AHNAK2: variants seen among roughly 807,000 people sequenced by gnomAD.
AHNAK2 encodes the protein protein AHNAK2.
AHNAK2 carries 18 observed loss-of-function variants against 30.7 expected under a neutral mutation model. The ratio of observed to expected loss-of-function variants is 0.59; its 90% CI spans 0.41 to 0.87. The LOEUF (loss-of-function observed/expected upper bound fraction) is 0.87. Among genes scored for constraint, AHNAK2 ranks in the 40% least tolerant of loss-of-function variants. The pLI, the probability that AHNAK2 is intolerant of heterozygous loss-of-function variation, is 0.00. For missense variants in AHNAK2, 8,604 were observed against 7,373.0 expected, an observed-to-expected ratio of 1.17 and a Z score of -6.11; for synonymous variants, 3,590 against 3,073.8, an observed-to-expected ratio of 1.17 and a Z score of -5.56.
rs139340205 is a variant in AHNAK2, at chr14:104,949,394, C to G, written c.6057G>C (p.Glu2019Asp). The change falls in exon 7 of 7, where the codon GAG (glutamate) becomes GAC (aspartate). Residue 2019 changes from glutamate to aspartate, a missense_variant. Physicochemically the swap from Glu to Asp is conservative, Grantham distance 45. Transcript: ENST00000333244. ...GCATGGAGGGGAGACTCACGTCGGC[C>G]TCCACCTTGGGTGCAGGCACATCCA... ...ASVDVPAPKV[E>D]ADVSLPSMQG... 21 of 1,581,900 alleles carry G rather than the reference C, an allele frequency of 1.3e-5. No homozygotes were observed. The South Asian group carries it at 2.0e-4, about 15-fold the overall frequency.
Position 104,948,957 on chromosome 14 carries a change from A to G in AHNAK2, c.6494T>C (p.Val2165Ala), listed in dbSNP as rs199574745. 2,126 of 1,250,900 alleles carry G rather than the reference A, an allele frequency of 1.7e-3. 378 individuals carry two copies. The highest frequency in any genetic ancestry group is 0.015 in the Middle Eastern group (59 of 4,052). The allele number at this position is 1,250,900 out of a possible 1,614,324, so 77.5% of individuals were successfully genotyped here. ...CTCGATGGACTTGCCTGGGGCAGAC[A>G]CCCCAAACGACGGCATCTTGAACTT... ...MPKFKMPSFG[V>A]SAPGKSIEAS... is the part of the protein sequence containing the mutation. The change falls in exon 7 of 7, where the codon GTG (valine) becomes GCG (alanine). Residue 2165 changes from valine (V) to alanine (A), a missense_variant. Physicochemically the swap from Val to Ala is moderately conservative, Grantham distance 64. Transcript: ENST00000333244.
In AHNAK2 at chr14:104,944,664, T is replaced by G; in HGVS notation, c.10787A>C (p.Asp3596Ala). 6.2e-7 allele frequency: 1 copy of G among 1,612,926 alleles called. No homozygotes were observed. The highest frequency in any genetic ancestry group is 8.5e-7 in the Non-Finnish European group (1 of 1,179,610). ...CACGCTGGGCAGAGACACCTCGACA[T>G]CGGGGACTCTCACTTCTGCCTTGGG... ...KGPKAEVRVP[D>A]VEVSLPSVEV... Residue 3596 changes from aspartate (D) to alanine (A), a missense_variant, in exon 7 of 7, where the codon GAT (aspartate) becomes GCT (alanine). Coordinates refer to ENST00000333244, the MANE Select transcript of AHNAK2 (RefSeq NM_138420.4).
chr14:104,953,598 G>A lies in AHNAK2; in HGVS notation c.1853C>T (p.Thr618Ile). The A allele has an allele frequency of 6.2e-7, 1 of 1,613,934 alleles. No individual in the cohort carries two copies. Among genetic ancestry groups the A allele is most frequent in the Non-Finnish European group, 8.5e-7 (1 of 1,179,886 alleles). Residue 618 changes from threonine to isoleucine, a missense_variant, in exon 7 of 7, where the codon ACA becomes ATA. Coordinates refer to ENST00000333244, the MANE Select transcript of AHNAK2 (RefSeq NM_138420.4). Reference sequence around the variant, plus strand: ...CTGTTCTCTTCTATCAGCTGTTGCTGTGGCCTCTCCTTCCCTTCCCTGCTC... The same window carrying A: ...CTGTTCTCTTCTATCAGCTGTTGCTATGGCCTCTCCTTCCCTTCCCTGCTC... Reference protein sequence around the residue: ...DTEQGREGEATATADRREQRR... With the variant: ...DTEQGREGEAIATADRREQRR...
Position 104,939,602 on chromosome 14 carries a change from G to GGA in AHNAK2, c.15847_15848dup (p.Thr5284ProfsTer5), listed in dbSNP as rs777744474. On this transcript the variant is annotated frameshift_variant, in exon 7 of 7. Coordinates refer to ENST00000333244, the MANE Select transcript of AHNAK2 (RefSeq NM_138420.4). LOFTEE classifies it low-confidence loss of function (END_TRUNC). ...GCTCATCCCCAGTCATCCCAGCAGT[G>GGA]GAGAGGTGCAGCTTCAAGCCTGTGC... 3 of 1,613,838 alleles carry GGA rather than the reference G, an allele frequency of 1.9e-6. No homozygotes were observed. In the East Asian group the frequency reaches 6.7e-5, roughly 36 times the overall value.
intron 1 of AHNAK2, among the ~76,000 whole-genome samples, chr14:104,965,632 C>T (rs1487262666): frequency 2.6e-5 from 4 of 152,170 alleles, no homozygotes; most frequent in Non-Finnish European, 5.9e-5. Context: ...CCATCCCTGC[C>T]CCAGACCCAG....
Position 104,949,232 on chromosome 14 carries a change from C to A in AHNAK2, c.6219G>T (p.Lys2073Asn), listed in dbSNP as rs549832303. Residue 2073 changes from lysine (K) to asparagine (N), a missense_variant, in exon 7 of 7, where the codon AAG becomes AAT. Lys to Asn is a moderately conservative substitution (Grantham distance 94). Coordinates refer to ENST00000333244, the MANE Select transcript of AHNAK2 (RefSeq NM_138420.4). The part of the protein sequence containing the change: ...EGAGLKGHLP[K>N]VEMPSLKMPK... ...GCATCTTCAAACTGGGCATCTCCAC[C>A]TTGGGCAGGTGCCCTTTGAGGCCAG... 8 of 1,070,864 alleles carry A rather than the reference C, an allele frequency of 7.5e-6. No individual in the cohort carries two copies. The highest frequency in any genetic ancestry group is 1.4e-5 in the African/African-American group (1 of 70,510). The allele number at this position is 1,070,864 out of a possible 1,614,324, so 66.3% of individuals were successfully genotyped here.
Position 104,946,711 on chromosome 14 carries a change from G to T in AHNAK2, c.8740C>A (p.Pro2914Thr), listed in dbSNP as rs1898292738. The T allele has an allele frequency of 3.1e-6, 5 of 1,612,616 alleles. No homozygotes were observed. The highest frequency in any genetic ancestry group is 1.3e-5 in the African/African-American group (1 of 74,598). ...TTGGGGCCCTTGACGTCTATCTGGG[G>T]GCCCTTGAGATCCACTTTGGGCATC... ...FKMPKVDLKG[P>T]QIDVKGPKLD... is the part of the protein sequence containing the mutation. The change falls in exon 7 of 7, where the codon CCC (proline) becomes ACC (threonine). Residue 2914 changes from proline (P) to threonine (T), a missense_variant. Coordinates refer to ENST00000333244, the MANE Select transcript of AHNAK2 (RefSeq NM_138420.4).
At position 104,953,046 on chromosome 14, in the gene AHNAK2, T is replaced by A. The variant is rs1344157586; in HGVS notation, c.2405A>T (p.Asp802Val). 6.2e-7 allele frequency: 1 copy of A among 1,613,272 alleles called. No individual in the cohort carries two copies. The highest frequency in any genetic ancestry group is 8.5e-7 in the Non-Finnish European group (1 of 1,179,724). Residue 802 changes from aspartate to valine, a missense_variant, in exon 7 of 7, where the codon GAC becomes GTC. Asp to Val is a radical substitution (Grantham distance 152). Transcript: ENST00000333244. ...VKMSLSSMEV[D>V]VQAPRAKLDG... ...CAGCTTTGCTCTCGGGGCCTGGACG[T>A]CCACCTCCATGCTGGACAGAGACAT...
intron 1 of AHNAK2, among the ~76,000 whole-genome samples, chr14:104,976,430 C>T (rs2140886743): frequency 6.6e-6 from 1 of 152,270 alleles, no homozygotes; most frequent in African/African-American, 2.4e-5. Flanking sequence ...TGAGAGGAAA[C>T]TGCAGGTGGA....
rs200328056 is a variant in AHNAK2 at position 104,938,523 on chromosome 14, C to A, written c.16928G>T (p.Gly5643Val). The change falls in exon 7 of 7, where the codon GGT becomes GTT. Residue 5643 changes from glycine to valine, a missense_variant. Physicochemically the swap from Gly to Val is moderately radical, Grantham distance 109 (BLOSUM62 -3). Transcript: ENST00000333244. ...GTTTGGAAGCCAAAACCAGAGCAGA[C>A]CAGATTTTTTACTTTCTGGTTTGTC... ...PKDKPESKKSGLLWFWLPNIG... is the reference protein window; with the variant it reads ...PKDKPESKKSVLLWFWLPNIG... The A allele has an allele frequency of 7.3e-5, 118 of 1,613,500 alleles. No individual in the cohort carries two copies. The East Asian group carries it at 2.6e-3, about 35-fold the overall frequency.
In AHNAK2 at chr14:104,949,675, T is replaced by C; in HGVS notation, c.5776A>G (p.Thr1926Ala). Residue 1926 changes from threonine (T) to alanine (A), a missense_variant, in exon 7 of 7, where the codon ACA becomes GCA. Thr to Ala is a moderately conservative substitution (Grantham distance 58). Transcript: ENST00000333244. Reference protein sequence around the residue: ...MPKVDLKGPQTDVKGAKLDLK... With the variant: ...MPKVDLKGPQADVKGAKLDLK... The stretch of plus-strand genomic sequence containing the variant: ...TCCAGCTTGGCGCCCTTAACATCTG[T>C]CTGGGGGCCCTTGAGGTCCACTTTG... The C allele has an allele frequency of 1.3e-6, 2 of 1,585,086 alleles. No individual in the cohort carries two copies. Among genetic ancestry groups the C allele is most frequent in the East Asian group, 4.5e-5 (2 of 44,430 alleles).
At position 104,943,793 on chromosome 14, in the gene AHNAK2, C is replaced by G. The variant is rs760358562; in HGVS notation, c.11658G>C (p.Leu3886=). The stretch of plus-strand genomic sequence containing the variant: ...TGAAACTGGGCATCTGCACCTTGGG[C>G]AGGTGTCCTTTGAGGCCGGCTTCCT... The part of the protein sequence containing the change: ...VPEEAGLKGH[L]PKVQMPSFKM... Residue 3886 remains leucine, a synonymous_variant, in exon 7 of 7, where the codon CTG becomes CTC. Transcript: ENST00000333244. 224 of 1,612,920 alleles carry G rather than the reference C, an allele frequency of 1.4e-4. No homozygotes were observed. Among genetic ancestry groups the G allele is most frequent in the Non-Finnish European group, 1.6e-4 (183 of 1,179,490 alleles).
Position 104,938,742 on chromosome 14 carries a change from G to T in AHNAK2, c.16709C>A (p.Thr5570Asn). The T allele has an allele frequency of 6.2e-7, 1 of 1,613,912 alleles. No individual in the cohort carries two copies. Among genetic ancestry groups the T allele is most frequent in the Non-Finnish European group, 8.5e-7 (1 of 1,179,884 alleles). ...AGAGATCATCTCAAATGGTTCTCCA[G>T]TGTCAGGCTGGAGATCTCCAGAAAT... ...DSISGDLQPDTGEPFEMISSS... is the reference protein window; with the variant it reads ...DSISGDLQPDNGEPFEMISSS... The change falls in exon 7 of 7, where the codon ACT (threonine) becomes AAT (asparagine). Residue 5570 changes from threonine to asparagine, a missense_variant. Transcript: ENST00000333244.
rs1444024102 is a variant in AHNAK2 at position 104,940,406 on chromosome 14, C to A, written c.15045G>T (p.Arg5015Ser). 1.2e-6 allele frequency: 2 copies of A among 1,613,922 alleles called. No homozygotes were observed. Among genetic ancestry groups the A allele is most frequent in the Non-Finnish European group, 8.5e-7 (1 of 1,179,894 alleles). The change falls in exon 7 of 7, where the codon AGG (arginine) becomes AGT (serine). Residue 5015 changes from arginine (R) to serine (S), a missense_variant. Coordinates refer to ENST00000333244, the MANE Select transcript of AHNAK2 (RefSeq NM_138420.4). The surrounding 1 kb of genome is among the most constrained non-coding windows in gnomAD (Gnocchi z 4.4). ...GCATGGCAAAGCCAGGCTTTGTGCT[C>A]CTCCCCTTCTCTCCATCCCTCTCAG... is the stretch of plus-strand genomic sequence containing the variant. ...LPPERDGEKG[R>S]STKPGFAMPK...
intron 1 of AHNAK2, among the ~76,000 whole-genome samples, chr14:104,965,078 C>G (rs1411222239): frequency 6.6e-6 from 1 of 152,310 alleles, no homozygotes; most frequent in East Asian, 1.9e-4. Context: ...TTTCTTTTAG[C>G]TCATCAGCTA....
chr14:104,943,745 C>A lies in AHNAK2; in HGVS notation c.11706G>T (p.Lys3902Asn), dbSNP rs2819423. 3.7e-6 allele frequency: 6 copies of A among 1,612,622 alleles called. No homozygotes were observed. The African/African-American group carries it at 5.4e-5, about 14-fold the overall frequency. ...GGCCCTTGATGTCTATTTCAGGGCC[C>A]TTGAGGTCGACTTTGGGCATCTTGA... ...PSFKMPKVDL[K>N]GPEIDIKGPK... Residue 3902 changes from lysine (K) to asparagine (N), a missense_variant, in exon 7 of 7, where the codon AAG becomes AAT. Coordinates refer to ENST00000333244, the MANE Select transcript of AHNAK2 (RefSeq NM_138420.4).
At chr14:104,960,463 G>A (rs1178363377) in intron 1 of AHNAK2, among the ~76,000 whole-genome samples, 2 of 152,184 alleles carry the variant, frequency 1.3e-5, no homozygotes, top group Non-Finnish European at 2.9e-5. Context: ...GAAGATGTAT[G>A]TAGGTTATTT....
chr14:104,942,419 A>G lies in AHNAK2; in HGVS notation c.13032T>C (p.Thr4344=), dbSNP rs747613610. The part of the protein sequence containing the change: ...LPSMQGDLKT[T]HLSIQPPSAD... ...CGGAAGGGGGCTGAATGCTGAGGTG[A>G]GTGGTCTTCAGGTCCCCCTGCATGG... Residue 4344 remains threonine, a synonymous_variant, in exon 7 of 7, where the codon ACT becomes ACC. Transcript: ENST00000333244. The G allele has an allele frequency of 6.2e-7, 1 of 1,612,694 alleles. No individual in the cohort carries two copies. The highest frequency in any genetic ancestry group is 8.5e-7 in the Non-Finnish European group (1 of 1,179,514).
At position 104,946,609 on chromosome 14, in the gene AHNAK2, C is replaced by A. The variant is rs547290500; in HGVS notation, c.8842G>T (p.Val2948Phe). Reference sequence around the variant, plus strand: ...TCCAGCTTTGCTCTCGGGGCCTCGACGTCCACCTCCACGCTGGGCAGAGAC... The same window carrying A: ...TCCAGCTTTGCTCTCGGGGCCTCGAAGTCCACCTCCACGCTGGGCAGAGAC... The part of the protein sequence containing the change: ...EVSLPSVEVD[V>F]EAPRAKLDGA... Residue 2948 changes from valine to phenylalanine, a missense_variant, in exon 7 of 7, where the codon GTC becomes TTC. Transcript: ENST00000333244. 1 of 1,612,820 alleles carries A rather than the reference C, an allele frequency of 6.2e-7. No individual in the cohort carries two copies. Among genetic ancestry groups the A allele is most frequent in the East Asian group, 2.2e-5 (1 of 44,774 alleles).
Sources: gnomAD v4.1 joint callset for allele counts (sites outside exome capture counted in the v4.1 genomes callset) on GRCh38, gnomAD v4.1.1 for gene constraint, Gnocchi (gnomAD v3.1) non-coding constraint, MANE v1.5 for transcripts, NCBI Gene and HGNC (gene_info 2026-07-23, HGNC 2026-07-21) for gene names.